DPYD: variants seen among roughly 807,000 people sequenced by gnomAD.
DPYD encodes the protein dihydropyrimidine dehydrogenase [NADP(+)].
Under a neutral mutation model 116.2 loss-of-function variants are expected in DPYD, and 109 were observed. The ratio of observed to expected loss-of-function variants is 0.94; its 90% CI spans 0.80 to 1.10. The LOEUF is 1.10. DPYD is among the 50% of genes least tolerant of loss of function. The pLI is 0.00. For missense variants in DPYD, 1,302 were observed against 1,254.5 expected, an observed-to-expected ratio of 1.04 and a Z score of -0.57; for synonymous variants, 440 against 432.0, an observed-to-expected ratio of 1.02 and a Z score of -0.23.
chr1:97,673,486 AT>A (rs536143735), intron 8 of DPYD, among the ~76,000 whole-genome samples: 101 of 152,228 alleles, frequency 6.6e-4, no homozygotes, highest in African/African-American at 2.3e-3. Context: ...AAAGAGTTGC[AT>A]TTTAAAATCA....
intron 3 of DPYD, among the ~76,000 whole-genome samples, chr1:97,793,122 G>A (rs114154951): frequency 6.6e-6 from 1 of 152,068 alleles, no homozygotes; most frequent in African/African-American, 2.4e-5. Flanking sequence ...TCTATATAGT[G>A]TACTGTCTCT....
At chr1:97,685,127 T>C (rs928876743) in intron 7 of DPYD, among the ~76,000 whole-genome samples, 3 of 152,112 alleles carry the variant, frequency 2.0e-5, no homozygotes, top group Non-Finnish European at 2.9e-5. Flanking sequence ...TTCAGCAGCA[T>C]ATAAAAAGCT....
At chr1:97,726,281 C>G (rs183171907) in intron 4 of DPYD, among the ~76,000 whole-genome samples, 1 of 151,520 alleles carries the variant, frequency 6.6e-6, no homozygotes, top group Non-Finnish European at 1.5e-5. Context: ...CTTAGTTGTT[C>G]CCTTGTATTT....
chr1:97,323,123 A>G (rs1340984235), intron 16 of DPYD, among the ~76,000 whole-genome samples: 7 of 149,776 alleles, frequency 4.7e-5, no homozygotes, highest in South Asian at 4.2e-4. Context: ...ATGCATATAT[A>G]TGTGTGTGTG....
At chr1:97,198,107 G>A (rs1658940629) in intron 19 of DPYD, among the ~76,000 whole-genome samples, 1 of 151,986 alleles carries the variant, frequency 6.6e-6, no homozygotes, top group South Asian at 2.1e-4. Context: ...AATCAGGTGG[G>A]GATCTTTTTA....
At chr1:97,320,339 G>A (rs1387858400) in intron 16 of DPYD, among the ~76,000 whole-genome samples, 84 of 105,184 alleles carry the variant, frequency 8.0e-4, no homozygotes, top group African/African-American at 1.1e-3. Context: ...AAACCCCATC[G>A]TCTCAGCCCA....
At chr1:97,608,428 C>T (rs754508697) in intron 8 of DPYD, among the ~76,000 whole-genome samples, 6 of 151,878 alleles carry the variant, frequency 4.0e-5, no homozygotes, top group South Asian at 2.1e-4. Flanking sequence ...ACATTCACGT[C>T]TGGTTCACCC....
At chr1:97,864,786 G>C (rs948949654) in intron 2 of DPYD, among the ~76,000 whole-genome samples, 10 of 151,848 alleles carry the variant, frequency 6.6e-5, no homozygotes, top group African/African-American at 2.4e-4. Flanking sequence ...TAACAAAGAG[G>C]TCATTTGAAA....
At chr1:97,754,566 A>T (rs1665125651) in intron 3 of DPYD, among the ~76,000 whole-genome samples, 1 of 152,184 alleles carries the variant, frequency 6.6e-6, no homozygotes, top group African/African-American at 2.4e-5. Flanking sequence ...GCGGAATCTT[A>T]ACATGTTATT....
intron 20 of DPYD, among the ~76,000 whole-genome samples, chr1:97,131,150 G>GA (rs907385200): frequency 8.2e-4 from 119 of 145,148 alleles, no homozygotes; most frequent in East Asian, 1.4e-3. Flanking sequence ...ATATCAAAAA[G>GA]AAAAAAAAAA....
At chr1:97,441,850 T>G (rs988320537) in intron 14 of DPYD, among the ~76,000 whole-genome samples, 3 of 152,160 alleles carry the variant, frequency 2.0e-5, no homozygotes, top group Non-Finnish European at 4.4e-5. Flanking sequence ...AACACGTTGA[T>G]CCTTTCAGAT....
chr1:97,717,233 G>C (rs1662664635), intron 5 of DPYD, among the ~76,000 whole-genome samples: 1 of 152,052 alleles, frequency 6.6e-6, no homozygotes, highest in Admixed American at 6.6e-5. Flanking sequence ...AATAGTATAT[G>C]CTGATACGAC....
intron 3 of DPYD, among the ~76,000 whole-genome samples, chr1:97,756,801 A>G (rs1665270863): frequency 6.6e-6 from 1 of 152,204 alleles, no homozygotes; most frequent in Admixed American, 6.5e-5. Flanking sequence ...ATGCTAATAC[A>G]AAAGCAGTAT....
At chr1:97,183,456 A>G (rs1010177566) in intron 20 of DPYD, among the ~76,000 whole-genome samples, 1 of 151,986 alleles carries the variant, frequency 6.6e-6, no homozygotes, top group African/African-American at 2.4e-5. Flanking sequence ...CATTACATTG[A>G]TCTATTTGTC....
In DPYD at chr1:97,757,325, G is replaced by C. The variant is rs531035781; in HGVS notation, c.234-16846C>G. On this transcript the variant is annotated intron_variant, in intron 3 of 22. Coordinates refer to ENST00000370192, the MANE Select transcript of DPYD (RefSeq NM_000110.4). ...GTCAAAAAGAAGCAGGAGTTAGCCA[G>C]GGTGAGGAGACAGTGGAAGAGGCAG... 5.3e-5 allele frequency among the ~76,000 whole-genome samples: 8 copies of C among 152,058 alleles called. No homozygotes were observed. The East Asian group carries it at 1.5e-3, about 29-fold the overall frequency.
intron 3 of DPYD, among the ~76,000 whole-genome samples, chr1:97,762,453 C>A: frequency 6.6e-6 from 1 of 152,006 alleles, no homozygotes; most frequent in East Asian, 1.9e-4. Flanking sequence ...CATAGTCCTG[C>A]CAAGGAATGA....
Position 97,628,204 on chromosome 1 carries a change from C to G in DPYD, c.851-33038G>C, listed in dbSNP as rs147849262. Among the ~76,000 whole-genome samples the G allele has an allele frequency of 1.4e-3, 215 of 152,134 alleles. 1 individual carries two copies. Among genetic ancestry groups the G allele is most frequent in the Non-Finnish European group, 2.7e-3 (184 of 67,956 alleles). On this transcript the variant is annotated intron_variant, in intron 8 of 22. Coordinates refer to ENST00000370192, the MANE Select transcript of DPYD (RefSeq NM_000110.4). ...CTATTAATTCTATTGCCCAGGCTCT[C>G]CAATACCCTCCATCTATATTCTAGG...
chr1:97,248,637 C>T (rs1662882978), intron 18 of DPYD, among the ~76,000 whole-genome samples: 1 of 152,028 alleles, frequency 6.6e-6, no homozygotes, highest in Admixed American at 6.6e-5. Context: ...AGAAAGTGTA[C>T]ACAGGAAAAT....
intron 10 of DPYD, among the ~76,000 whole-genome samples, chr1:97,589,160 A>G (rs904206747): frequency 2.0e-5 from 3 of 152,242 alleles, no homozygotes; most frequent in Non-Finnish European, 4.4e-5. Context: ...TTGTCACTAC[A>G]GAGTCTATTG....
Sources: gnomAD v4.1 joint callset for allele counts (sites outside exome capture counted in the v4.1 genomes callset) on GRCh38, gnomAD v4.1.1 for gene constraint, MANE v1.5 for transcripts, NCBI Gene and HGNC (gene_info 2026-07-23, HGNC 2026-07-21) for gene names.